TRPC1: variants seen among roughly 807,000 people sequenced by gnomAD.
TRPC1 encodes transient receptor potential cation channel subfamily C member 1, also known as short transient receptor potential channel 1.
A neutral mutation model predicts 88.2 loss-of-function variants in TRPC1; 42 were observed. The ratio of observed to expected loss-of-function variants is 0.48; its 90% CI spans 0.37 to 0.62. The LOEUF (loss-of-function observed/expected upper bound fraction) is 0.62, where lower values mean the gene tolerates loss of function less well. Among genes scored for constraint, TRPC1 ranks in the 20% least tolerant of loss-of-function variants. The pLI, the probability that TRPC1 is intolerant of heterozygous loss-of-function variation, is 0.00. For synonymous variants in TRPC1, 288 were observed against 331.8 expected (o/e 0.87, Z 1.43); for missense variants, 699 against 957.3 (o/e 0.73, Z 3.56).
chr3:142,780,256 G>A (rs1397868955), intron 5 of TRPC1, among the ~76,000 whole-genome samples: 1 of 152,082 alleles, frequency 6.6e-6, no homozygotes, highest in African/African-American at 2.4e-5. Context: ...CAAGGAATAG[G>A]GATTCTGAAA....
intron 4 of TRPC1, among the ~76,000 whole-genome samples, chr3:142,752,662 T>A (rs1410373829): frequency 1.3e-5 from 2 of 152,068 alleles, no homozygotes; most frequent in African/African-American, 4.8e-5. Flanking sequence ...GTCTTTCTCA[T>A]CCCACGAGGC....
chr3:142,773,216 ATAGTCTTTTTTTTT>A (rs1176124230), intron 4 of TRPC1, among the ~76,000 whole-genome samples: 1 of 152,040 alleles, frequency 6.6e-6, no homozygotes, highest in Admixed American at 6.6e-5. Context: ...AATTTCCATT[ATAGTCTTTTTTTTT>A]GAGATGGAGT....
chr3:142,789,692 T>C (rs539486221), intron 7 of TRPC1, among the ~76,000 whole-genome samples: 1 of 152,340 alleles, frequency 6.6e-6, no homozygotes, highest in South Asian at 2.1e-4. Flanking sequence ...GAATGTACCA[T>C]AAAATGATCC....
At chr3:142,784,620 G>T in intron 6 of TRPC1, 84 bp from the exon 7 acceptor site, 5 of 1,099,616 alleles carry the variant, frequency 4.5e-6, no homozygotes, top group Non-Finnish European at 5.2e-6. Context: ...CTCTTATTCA[G>T]TAAACTTTGA....
chr3:142,800,778 C>T (rs902546559), intron 9 of TRPC1, among the ~76,000 whole-genome samples: 8 of 151,788 alleles, frequency 5.3e-5, no homozygotes, highest in African/African-American at 1.7e-4. Context: ...ATTAGCTGGG[C>T]ATGGTGGTGG....
Position 142,767,162 on chromosome 3 carries a change from CTTCT to C in TRPC1, c.633-10467_633-10464del, listed in dbSNP as rs756696017. Among the ~76,000 whole-genome samples the C allele has an allele frequency of 6.6e-6, 1 of 152,070 alleles. No individual in the cohort carries two copies. The highest frequency in any genetic ancestry group is 1.5e-5 in the Non-Finnish European group (1 of 67,992). On this transcript the variant is annotated intron_variant, in intron 4 of 12. Coordinates refer to ENST00000476941, the MANE Select transcript of TRPC1 (RefSeq NM_001251845.2). The surrounding 1 kb of genome is among the most constrained non-coding windows in gnomAD (Gnocchi z 5.1). The stretch of plus-strand genomic sequence containing the variant: ...TAATCCCCAGTGTACAGGTCTTGTG[CTTCT>C]TTATTTTTACTGTTTATTCCTAAGT...
At chr3:142,801,766 A>G (rs889337549) in intron 9 of TRPC1, among the ~76,000 whole-genome samples, 1 of 152,162 alleles carries the variant, frequency 6.6e-6, no homozygotes, top group Non-Finnish European at 1.5e-5. Flanking sequence ...TTGCCTCATA[A>G]TGATTTTATG....
chr3:142,785,634 G>A (rs1936110867), intron 7 of TRPC1, among the ~76,000 whole-genome samples: 1 of 152,070 alleles, frequency 6.6e-6, no homozygotes, highest in Admixed American at 6.5e-5. Context: ...CCCAGTAGCT[G>A]GGATTACAGG....
At chr3:142,771,848 A>C (rs535030724) in intron 4 of TRPC1, among the ~76,000 whole-genome samples, 33 of 152,272 alleles carry the variant, frequency 2.2e-4, no homozygotes, top group African/African-American at 6.7e-4. Flanking sequence ...ATTGTAAGGC[A>C]GTTCTGGTAG....
chr3:142,743,336 A>C, intron 2 of TRPC1, 149 bp from the exon 3 acceptor site: 1 of 559,568 alleles, frequency 1.8e-6, no homozygotes, highest in Non-Finnish European at 3.0e-6. Flanking sequence ...CAAATGTACT[A>C]TTTGTACAGT....
chr3:142,760,372 G>C (rs1433130076), intron 4 of TRPC1, among the ~76,000 whole-genome samples: 2 of 152,060 alleles, frequency 1.3e-5, no homozygotes, highest in Admixed American at 1.3e-4. Flanking sequence ...CGGCACCTTT[G>C]TCAAAGATGA....
intron 1 of TRPC1, among the ~76,000 whole-genome samples, chr3:142,729,531 C>T (rs1037511941): frequency 1.7e-4 from 26 of 152,090 alleles, no homozygotes; most frequent in Admixed American, 1.6e-3. Flanking sequence ...TGGGATATTA[C>T]GTGTACAGGG....
rs963402575 is a variant in TRPC1, at chr3:142,806,641, T to G, written c.*406T>G. The G allele has an allele frequency of 6.5e-6, 1 of 154,198 alleles. No individual in the cohort carries two copies. Among genetic ancestry groups the G allele is most frequent in the African/African-American group, 2.4e-5 (1 of 41,470 alleles). 9.6% of individuals were successfully genotyped at this position (154,198 alleles called of 1,614,324 possible). On this transcript the variant is annotated 3_prime_UTR_variant, in exon 13 of 13. Coordinates refer to ENST00000476941, the MANE Select transcript of TRPC1 (RefSeq NM_001251845.2). Reference sequence around the variant, plus strand: ...TACACTTGAAATATAGAAGTTATGTTTTAAATATCTCTGTTTTAGGAGTTC... The same window carrying G: ...TACACTTGAAATATAGAAGTTATGTGTTAAATATCTCTGTTTTAGGAGTTC...
intron 3 of TRPC1, among the ~76,000 whole-genome samples, chr3:142,746,166 G>A (rs905905940): frequency 6.6e-6 from 1 of 152,074 alleles, no homozygotes; most frequent in Non-Finnish European, 1.5e-5. Context: ...TTCTTTTAGC[G>A]TTTCAGTAAT....
At chr3:142,786,374 T>G (rs114793401) in intron 7 of TRPC1, among the ~76,000 whole-genome samples, 2 of 152,166 alleles carry the variant, frequency 1.3e-5, no homozygotes, top group Non-Finnish European at 2.9e-5. Flanking sequence ...TTTAGAATGT[T>G]TATTTGAAAA....
Position 142,806,140 on chromosome 3 carries a change from G to GAAC in TRPC1, c.2288_2290dup (p.Glu763_Leu764insGln). On this transcript the variant is annotated inframe_insertion, in exon 13 of 13. Transcript: ENST00000476941. ...TCAGGCAACTGTGGAAAATCTAAAC[G>GAAC]AACTGCGCCAAGATCTGTCAAAATT... The GAAC allele has an allele frequency of 6.2e-7, 1 of 1,613,786 alleles. No individual in the cohort carries two copies. The highest frequency in any genetic ancestry group is 8.5e-7 in the Non-Finnish European group (1 of 1,179,844).
chr3:142,746,878 GC>G (rs988835728), intron 3 of TRPC1, among the ~76,000 whole-genome samples: 5 of 151,820 alleles, frequency 3.3e-5, no homozygotes, highest in Non-Finnish European at 5.9e-5. Context: ...ACTGGTCATG[GC>G]CTTTAGACCC....
chr3:142,738,244 C>T (rs1429507854), intron 2 of TRPC1, among the ~76,000 whole-genome samples: 1 of 152,158 alleles, frequency 6.6e-6, no homozygotes, highest in African/African-American at 2.4e-5. Flanking sequence ...AAATCTCATG[C>T]TCTTTCTAGT....
chr3:142,768,830 C>T (rs1019452276), intron 4 of TRPC1, among the ~76,000 whole-genome samples: 1 of 152,016 alleles, frequency 6.6e-6, no homozygotes, highest in Non-Finnish European at 1.5e-5. Flanking sequence ...AACAACTTTG[C>T]TTTCCCATTT....
Sources: allele counts gnomAD v4.1 joint callset (sites outside exome capture counted in the v4.1 genomes callset), GRCh38; gene constraint gnomAD v4.1.1; non-coding constraint Gnocchi (gnomAD v3.1); transcripts MANE v1.5; gene names NCBI Gene and HGNC (gene_info 2026-07-23, HGNC 2026-07-21).